The following C10orf90 variants were observed in gnomAD, a reference collection of about 807,000 sequenced individuals.
C10orf90 encodes (E2-independent) E3 ubiquitin-conjugating enzyme FATS.
C10orf90 carries 56 observed loss-of-function variants against 62.5 expected under a neutral mutation model. The observed-to-expected ratio is 0.90, with a 90% CI of 0.72 to 1.12. C10orf90 has a LOEUF of 1.12. Ranked by LOEUF, C10orf90 falls within the 50% of genes most tolerant of loss-of-function variation. The probability of loss-of-function intolerance (pLI) is 0.00; values close to 1 mark genes in which losing one functional copy is unlikely to be tolerated. For synonymous variants in C10orf90, 386 were observed against 340.4 expected (o/e 1.13, Z -1.47); for missense variants, 970 against 880.4 (o/e 1.10, Z -1.29).
chr10:126,613,576 A>C (rs1845482721), intron 2 of C10orf90, among the ~76,000 whole-genome samples: 2 of 152,146 alleles, frequency 1.3e-5, no homozygotes, highest in African/African-American at 4.8e-5. Context: ...ACTGATGCAA[A>C]ACTGTGCAAT....
intron 4 of C10orf90, among the ~76,000 whole-genome samples, chr10:126,468,161 C>T (rs1402617724): frequency 1.3e-5 from 2 of 151,864 alleles, no homozygotes; most frequent in African/African-American, 4.8e-5. Context: ...CTCCGCCTTC[C>T]GGGTTCAAGC....
chr10:126,502,708 T>G, intron 4 of C10orf90: 1 of 465,470 alleles, frequency 2.1e-6, no homozygotes, highest in Admixed American at 2.4e-5. Context: ...AATGCAGTGG[T>G]GTATTTCTGG....
At chr10:126,575,496 C>G (rs1844591120) in intron 2 of C10orf90, among the ~76,000 whole-genome samples, 2 of 151,890 alleles carry the variant, frequency 1.3e-5, no homozygotes, top group Non-Finnish European at 1.5e-5. Flanking sequence ...AATGACAATA[C>G]TACCCACAGT....
chr10:126,600,181 GTGTGTGTGCATCGCA>G lies in C10orf90; in HGVS notation c.313+46369_313+46383del, dbSNP rs1164589876. On this transcript the variant is annotated intron_variant, in intron 2 of 9. Transcript: ENST00000488181. ...GTGCGTATCGCATGTGTGTGCACAC[GTGTGTGTGCATCGCA>G]TGTGTGTGCAGGCAGGTGACTTTCC... Among the ~76,000 whole-genome samples, 10 of 152,168 alleles carry G rather than the reference GTGTGTGTGCATCGCA, an allele frequency of 6.6e-5. No homozygotes were observed. The East Asian group carries it at 1.7e-3, about 26-fold the overall frequency.
chr10:126,546,280 G>C (rs377509517), intron 2 of C10orf90, among the ~76,000 whole-genome samples: 1 of 152,234 alleles, frequency 6.6e-6, no homozygotes, highest in Non-Finnish European at 1.5e-5. Flanking sequence ...ACACTTGTGA[G>C]GCTAGAAAGA....
chr10:126,532,442 C>T (rs915209044), intron 2 of C10orf90, among the ~76,000 whole-genome samples: 18 of 152,160 alleles, frequency 1.2e-4, no homozygotes, highest in South Asian at 6.2e-4. Flanking sequence ...AGACAGCTCC[C>T]TCATGGTCTC....
intron 7 of C10orf90, among the ~76,000 whole-genome samples, chr10:126,440,307 G>A (rs1298670143): frequency 6.6e-6 from 1 of 152,084 alleles, no homozygotes; most frequent in Non-Finnish European, 1.5e-5. Context: ...CTCAGCAGAG[G>A]GAGCCATAAT....
At chr10:126,651,788 A>G (rs2003234) in intron 1 of C10orf90, among the ~76,000 whole-genome samples, 44,670 of 152,158 alleles carry the variant, frequency 0.29, 7,578 homozygotes, top group East Asian at 0.37. Flanking sequence ...GGATCCCAAG[A>G]AGGCAAAGAC....
chr10:126,485,036 G>A (rs190335440), intron 4 of C10orf90, among the ~76,000 whole-genome samples: 25 of 152,300 alleles, frequency 1.6e-4, no homozygotes, highest in African/African-American at 6.0e-4. Context: ...GTTCATGTTC[G>A]TACCAAATTC....
chr10:126,490,218 G>A (rs550867082), intron 4 of C10orf90, among the ~76,000 whole-genome samples: 5 of 144,686 alleles, frequency 3.5e-5, no homozygotes, highest in South Asian at 2.1e-4. Context: ...AAATTCTAAC[G>A]CATGCAACGG....
chr10:126,587,468 G>A (rs184299365), intron 2 of C10orf90, among the ~76,000 whole-genome samples: 54 of 152,248 alleles, frequency 3.5e-4, no homozygotes, highest in Non-Finnish European at 5.9e-4. Context: ...TCCTCATATG[G>A]CAGAGGCAAA....
At chr10:126,589,350 C>G (rs1844935165) in intron 2 of C10orf90, among the ~76,000 whole-genome samples, 2 of 152,056 alleles carry the variant, frequency 1.3e-5, no homozygotes, top group Non-Finnish European at 2.9e-5. Flanking sequence ...TTCAGGAAAT[C>G]CAGACAACCC....
chr10:126,427,717 G>A (rs1271230672), intron 8 of C10orf90, among the ~76,000 whole-genome samples: 2 of 152,136 alleles, frequency 1.3e-5, no homozygotes, highest in African/African-American at 2.4e-5. Context: ...CTTGCACCGG[G>A]GGCTCTCAGG....
At chr10:126,493,055 C>A (rs576806334) in intron 4 of C10orf90, among the ~76,000 whole-genome samples, 1 of 151,512 alleles carries the variant, frequency 6.6e-6, no homozygotes, top group Non-Finnish European at 1.5e-5. Context: ...AGCCATTAAA[C>A]GATTAACAGG....
chr10:126,634,735 C>A (rs1271989256), intron 2 of C10orf90, among the ~76,000 whole-genome samples: 5 of 152,176 alleles, frequency 3.3e-5, no homozygotes, highest in African/African-American at 9.7e-5. Flanking sequence ...TTTTCACTTA[C>A]AAATTGTAAA....
At chr10:126,657,715 A>G (rs1010707129) in intron 1 of C10orf90, among the ~76,000 whole-genome samples, 2 of 151,406 alleles carry the variant, frequency 1.3e-5, no homozygotes, top group Non-Finnish European at 2.9e-5. Flanking sequence ...TCCTGGGTTC[A>G]AATGATTCTC....
chr10:126,625,546 T>G (rs1275269495), intron 2 of C10orf90, among the ~76,000 whole-genome samples: 1 of 152,202 alleles, frequency 6.6e-6, no homozygotes, highest in Non-Finnish European at 1.5e-5. Context: ...CCTTCTCCTG[T>G]CTGGTTGGCT....
At chr10:126,544,597 T>C (rs542925196) in intron 2 of C10orf90, among the ~76,000 whole-genome samples, 117 of 152,234 alleles carry the variant, frequency 7.7e-4, no homozygotes, top group African/African-American at 2.6e-3. Context: ...CATTTGGCAT[T>C]TCTGCTTTGT....
intron 4 of C10orf90, among the ~76,000 whole-genome samples, chr10:126,483,899 C>A (rs1393424701): frequency 6.6e-6 from 1 of 152,176 alleles, no homozygotes; most frequent in Non-Finnish European, 1.5e-5. Context: ...ATTTCTGTGT[C>A]TGCTGTGGGT....
Sources: allele counts gnomAD v4.1 joint callset (sites outside exome capture counted in the v4.1 genomes callset), GRCh38; gene constraint gnomAD v4.1.1; transcripts MANE v1.5; gene names NCBI Gene and HGNC (gene_info 2026-07-23, HGNC 2026-07-21).